PHACTR1: variants seen among roughly 807,000 people sequenced by gnomAD.
PHACTR1 encodes RPEL repeat containing 1.
In PHACTR1, 16 loss-of-function variants were observed where a neutral mutation model predicts 69.2. The observed-to-expected ratio is 0.23, with a 90% CI of 0.16 to 0.35. The LOEUF is 0.35. PHACTR1 is among the 10% of genes least tolerant of loss of function. The probability of loss-of-function intolerance (pLI) is 1.00; values close to 1 mark genes in which losing one functional copy is unlikely to be tolerated. For missense variants in PHACTR1, 510 were observed against 734.7 expected (o/e 0.69, Z 3.54); for synonymous variants, 312 against 284.5 (o/e 1.10, Z -0.97).
At chr6:12,983,908 GGT>G (rs1795823239) in intron 4 of PHACTR1, among the ~76,000 whole-genome samples, 1 of 152,156 alleles carries the variant, frequency 6.6e-6, no homozygotes, top group African/African-American at 2.4e-5. Context: ...AGTATTCCAT[GGT>G]GTATACATGC....
At chr6:12,791,904 T>C (rs1432765197) in intron 4 of PHACTR1, among the ~76,000 whole-genome samples, 2 of 152,136 alleles carry the variant, frequency 1.3e-5, no homozygotes, top group Non-Finnish European at 2.9e-5. Context: ...ACATAATGTG[T>C]TTCATAATAT....
intron 4 of PHACTR1, among the ~76,000 whole-genome samples, chr6:12,950,066 A>G (rs1791112899): frequency 6.6e-6 from 1 of 152,238 alleles, no homozygotes. Flanking sequence ...GTTTAAAACA[A>G]TAATCATTTT....
At chr6:13,218,022 T>C (rs540274716) in intron 8 of PHACTR1, among the ~76,000 whole-genome samples, 3 of 152,380 alleles carry the variant, frequency 2.0e-5, no homozygotes, top group Non-Finnish European at 4.4e-5. Flanking sequence ...GCTTTCAGTG[T>C]CATATTTGTA....
At chr6:12,984,985 C>T (rs1301249469) in intron 4 of PHACTR1, among the ~76,000 whole-genome samples, 1 of 152,212 alleles carries the variant, frequency 6.6e-6, no homozygotes, top group Non-Finnish European at 1.5e-5. Context: ...AGTTTTGGAA[C>T]TGCTTCTATA....
chr6:12,811,859 C>T (rs189704564), intron 4 of PHACTR1, among the ~76,000 whole-genome samples: 4 of 152,144 alleles, frequency 2.6e-5, no homozygotes, highest in African/African-American at 4.8e-5. Flanking sequence ...CCGTGGCAGC[C>T]GACACAGGGC....
At chr6:12,898,750 C>T (rs1483704958) in intron 4 of PHACTR1, among the ~76,000 whole-genome samples, 2 of 152,134 alleles carry the variant, frequency 1.3e-5, no homozygotes, top group Non-Finnish European at 2.9e-5. Flanking sequence ...TCCTTGTTGC[C>T]GGGACTTCCC....
intron 3 of PHACTR1, among the ~76,000 whole-genome samples, chr6:12,748,899 C>T (rs1311517718): frequency 2.0e-5 from 3 of 152,194 alleles, no homozygotes; most frequent in African/African-American, 7.2e-5. Context: ...CAAACGGCTC[C>T]CAAACTTGTA....
intron 4 of PHACTR1, among the ~76,000 whole-genome samples, chr6:12,986,761 A>T (rs939612173): frequency 5.3e-5 from 8 of 152,176 alleles, no homozygotes; most frequent in Non-Finnish European, 1.0e-4. Context: ...GGGTGTATGG[A>T]GAGCTTTGAA....
intron 4 of PHACTR1, among the ~76,000 whole-genome samples, chr6:13,033,899 T>C (rs112468777): frequency 7.8e-6 from 1 of 127,710 alleles, no homozygotes; most frequent in Non-Finnish European, 1.7e-5. Flanking sequence ...AGAAATAATT[T>C]TAAAACCTCC....
Position 13,014,290 on chromosome 6 carries a change from C to G in PHACTR1, c.251-39075C>G, listed in dbSNP as rs533143812. On this transcript the variant is annotated intron_variant, in intron 4 of 14. Transcript: ENST00000332995. The stretch of plus-strand genomic sequence containing the variant: ...CCACCCAGACATGACAGCCGCCCGC[C>G]GGGCACTTTGCAGAGTGCCACCCAC... Among the ~76,000 whole-genome samples, 18 of 152,292 alleles carry G rather than the reference C, an allele frequency of 1.2e-4. No individual in the cohort carries two copies. The South Asian group carries it at 1.9e-3, about 16-fold the overall frequency.
Position 12,826,787 on chromosome 6 carries a change from A to G in PHACTR1, c.250+76997A>G, listed in dbSNP as rs1217149804. Among the ~76,000 whole-genome samples the G allele has an allele frequency of 2.0e-5, 3 of 152,198 alleles. No homozygotes were observed. In the East Asian group the frequency reaches 5.8e-4, roughly 29 times the overall value. On this transcript the variant is annotated intron_variant, in intron 4 of 14. Transcript: ENST00000332995. The stretch of plus-strand genomic sequence containing the variant: ...TAATAACTCAGGTTAAGGACAATTA[A>G]TCTTGAAATGAAGATCAAGCAGGGA...
rs564845913 is a variant in PHACTR1 at position 12,972,721 on chromosome 6, G to A, written c.251-80644G>A. ...GGCTGGAGTGCAGTGGTGCAATCTC[G>A]GCTCACTGCAACCTCCACCTCCTGG... On this transcript the variant is annotated intron_variant, in intron 4 of 14. Coordinates refer to ENST00000332995, the MANE Select transcript of PHACTR1 (RefSeq NM_030948.6). Among the ~76,000 whole-genome samples, 4 of 148,656 alleles carry A rather than the reference G, an allele frequency of 2.7e-5. No individual in the cohort carries two copies. In the South Asian group the frequency reaches 6.4e-4, roughly 24 times the overall value.
intron 4 of PHACTR1, among the ~76,000 whole-genome samples, chr6:13,012,605 G>A (rs1166199954): frequency 6.6e-6 from 1 of 152,174 alleles, no homozygotes; most frequent in Non-Finnish European, 1.5e-5. Context: ...CACCTGGGGA[G>A]CTTGTTAAAG....
chr6:13,196,679 A>G, intron 7 of PHACTR1: 1 of 152,698 alleles, frequency 6.5e-6, no homozygotes, highest in Non-Finnish European at 1.5e-5. Context: ...TTGGCCTCCC[A>G]AAGTACTGGG....
chr6:13,202,545 T>C (rs1350298241), intron 7 of PHACTR1, among the ~76,000 whole-genome samples: 1 of 148,512 alleles, frequency 6.7e-6, no homozygotes, highest in Non-Finnish European at 1.5e-5. Context: ...TGGTGCAATC[T>C]CAGCTCACTG....
chr6:13,281,489 G>A, intron 12 of PHACTR1: 1 of 329,876 alleles, frequency 3.0e-6, no homozygotes, highest in Non-Finnish European at 6.3e-6. Context: ...AAGAGGCGGA[G>A]GTTGCAGTGA....
intron 4 of PHACTR1, among the ~76,000 whole-genome samples, chr6:12,931,763 A>C (rs1788900729): frequency 6.6e-6 from 1 of 151,636 alleles, no homozygotes; most frequent in South Asian, 2.1e-4. Flanking sequence ...CTGTTAGTGC[A>C]GGCAAGCAGA....
chr6:13,085,588 T>C (rs986658491), intron 5 of PHACTR1, among the ~76,000 whole-genome samples: 1 of 152,080 alleles, frequency 6.6e-6, no homozygotes, highest in Non-Finnish European at 1.5e-5. Context: ...TCTTAAAATA[T>C]ATACAGCATA....
At chr6:12,864,172 G>A (rs140575509) in intron 4 of PHACTR1, among the ~76,000 whole-genome samples, 1 of 152,326 alleles carries the variant, frequency 6.6e-6, no homozygotes, top group African/African-American at 2.4e-5. Context: ...AAGCGAGGAT[G>A]TGGGTACACA....
Sources: gnomAD v4.1 joint callset for allele counts (sites outside exome capture counted in the v4.1 genomes callset) on GRCh38, gnomAD v4.1.1 for gene constraint, MANE v1.5 for transcripts, NCBI Gene and HGNC (gene_info 2026-07-23, HGNC 2026-07-21) for gene names.